PPM1E: variants seen among roughly 807,000 people sequenced by gnomAD.
PPM1E encodes the protein protein phosphatase, Mg2+/Mn2+ dependent 1E.
PPM1E carries 20 observed loss-of-function variants against 65.9 expected under a neutral mutation model. That is an observed-to-expected ratio of 0.30 (90% CI 0.21 to 0.44). The LOEUF (loss-of-function observed/expected upper bound fraction) is 0.44, where lower values mean the gene tolerates loss of function less well. Ranked by LOEUF, PPM1E falls within the 20% of genes least tolerant of loss-of-function variation. The probability of loss-of-function intolerance (pLI) is 1.00; values close to 1 mark genes in which losing one functional copy is unlikely to be tolerated. For missense variants in PPM1E, 713 were observed against 953.1 expected, an observed-to-expected ratio of 0.75 and a Z score of 3.32; for synonymous variants, 352 against 374.9, an observed-to-expected ratio of 0.94 and a Z score of 0.70.
intron 1 of PPM1E, among the ~76,000 whole-genome samples, chr17:58,870,366 G>T (rs115677860): frequency 0.039 from 5,983 of 152,172 alleles, 233 homozygotes; most frequent in African/African-American, 0.098. Context: ...GGATTCAGGG[G>T]GTACCTGTGT....
At chr17:58,804,436 TA>T (rs1450143827) in intron 1 of PPM1E, among the ~76,000 whole-genome samples, 2 of 152,224 alleles carry the variant, frequency 1.3e-5, no homozygotes, top group African/African-American at 2.4e-5. Context: ...CATTATTCTC[TA>T]ACTAGATTTG....
chr17:58,846,860 T>C (rs1320717215), intron 1 of PPM1E, among the ~76,000 whole-genome samples: 1 of 152,212 alleles, frequency 6.6e-6, no homozygotes, highest in African/African-American at 2.4e-5. Context: ...TCTTCCACAA[T>C]GGTTGAACTA....
At position 58,912,739 on chromosome 17, in the gene PPM1E, G is replaced by A. The variant is rs538011392; in HGVS notation, c.465-42910G>A. 3.0e-4 allele frequency among the ~76,000 whole-genome samples: 46 copies of A among 152,234 alleles called. 1 individual carries two copies. In the Middle Eastern group the frequency reaches 0.017, roughly 56 times the overall value. ...TGGGGGTGCTGGTTGCCAGGAGAAT[G>A]GACCATGTGATTAAAAGATTGAAAC... On this transcript the variant is annotated intron_variant, in intron 1 of 6. Coordinates refer to ENST00000308249, the MANE Select transcript of PPM1E (RefSeq NM_014906.5).
At chr17:58,978,913 G>A (rs1567899302) in intron 6 of PPM1E, among the ~76,000 whole-genome samples, 1 of 152,140 alleles carries the variant, frequency 6.6e-6, no homozygotes, top group Admixed American at 6.5e-5. Context: ...ACCTAGTTTA[G>A]TGTGGTCCCA....
At chr17:58,807,379 A>G (rs2050326042) in intron 1 of PPM1E, among the ~76,000 whole-genome samples, 1 of 152,176 alleles carries the variant, frequency 6.6e-6, no homozygotes, top group South Asian at 2.1e-4. Flanking sequence ...AGTTGAAATG[A>G]ATATAATATT....
chr17:58,939,559 G>A (rs1342427103), intron 1 of PPM1E, among the ~76,000 whole-genome samples: 1 of 152,096 alleles, frequency 6.6e-6, no homozygotes. Context: ...ATTCATATAT[G>A]TATTCATGAA....
chr17:58,796,662 G>A (rs911039457), intron 1 of PPM1E, among the ~76,000 whole-genome samples: 1 of 152,034 alleles, frequency 6.6e-6, no homozygotes, highest in African/African-American at 2.4e-5. Flanking sequence ...TAAAATTTTT[G>A]AGGCATATGG....
chr17:58,898,836 G>T (rs2051458389), intron 1 of PPM1E, among the ~76,000 whole-genome samples: 1 of 152,110 alleles, frequency 6.6e-6, no homozygotes, highest in Non-Finnish European at 1.5e-5. Context: ...GCCATAAAAA[G>T]GATGCGTTCA....
Position 58,755,962 on chromosome 17 carries a change from A to C in PPM1E, c.-36A>C. ...CCTTACCCTTCCTGGGCTTCCCCCA[A>C]CCCCTTTCCCGGTCTGCCCTGGGGC... On this transcript the variant is annotated 5_prime_UTR_variant, in exon 1 of 7. Coordinates refer to ENST00000308249, the MANE Select transcript of PPM1E (RefSeq NM_014906.5). 1 of 1,613,152 alleles carries C rather than the reference A, an allele frequency of 6.2e-7. No individual in the cohort carries two copies. Among genetic ancestry groups the C allele is most frequent in the South Asian group, 1.1e-5 (1 of 90,996 alleles).
chr17:58,878,657 G>C (rs1008496572), intron 1 of PPM1E, among the ~76,000 whole-genome samples: 3 of 151,338 alleles, frequency 2.0e-5, no homozygotes, highest in Non-Finnish European at 4.4e-5. Flanking sequence ...TGCTGGCCAG[G>C]CGTGGTGGCT....
At chr17:58,923,156 A>G (rs2051775374) in intron 1 of PPM1E, among the ~76,000 whole-genome samples, 1 of 149,932 alleles carries the variant, frequency 6.7e-6, no homozygotes, top group Admixed American at 6.7e-5. Context: ...ATGGTGGTGC[A>G]CACCTGTAGG....
intron 1 of PPM1E, among the ~76,000 whole-genome samples, chr17:58,812,604 C>T (rs2050380035): frequency 1.3e-5 from 2 of 152,034 alleles, no homozygotes; most frequent in African/African-American, 2.4e-5. Context: ...CTCTGTCGCC[C>T]GTGTTGGGGC....
intron 1 of PPM1E, among the ~76,000 whole-genome samples, chr17:58,829,989 T>G (rs1410906508): frequency 2.6e-5 from 4 of 152,218 alleles, no homozygotes; most frequent in Middle Eastern, 3.4e-3. Flanking sequence ...GAGGACAGCC[T>G]GGTCAACATA....
Position 58,756,302 on chromosome 17 carries a change from C to A in PPM1E, c.305C>A (p.Ala102Glu). The part of the protein sequence containing the change: ...AVEGEEEEEG[A>E]ATAAAAPGHS... ...GAGGGTGAGGAGGAGGAGGAGGGCG[C>A]GGCGACGGCGGCGGCAGCCCCGGGG... Residue 102 changes from alanine to glutamate, a missense_variant, in exon 1 of 7, where the codon GCG becomes GAG. Around this residue, in one of 6 missense-constraint regions of PPM1E, gnomAD observed 212 missense variants for 204.0 expected, o/e 1.04. Coordinates refer to ENST00000308249, the MANE Select transcript of PPM1E (RefSeq NM_014906.5). 1 of 1,510,502 alleles carries A rather than the reference C, an allele frequency of 6.6e-7. No individual in the cohort carries two copies. The highest frequency in any genetic ancestry group is 1.4e-5 in the African/African-American group (1 of 70,312). The allele number at this position is 1,510,502 out of a possible 1,614,324, so 93.6% of individuals were successfully genotyped here.
At chr17:58,925,200 T>A (rs886982232) in intron 1 of PPM1E, among the ~76,000 whole-genome samples, 2 of 152,188 alleles carry the variant, frequency 1.3e-5, no homozygotes, top group East Asian at 3.9e-4. Flanking sequence ...ACCAACAGTG[T>A]AAAAGCATTC....
At chr17:58,766,034 C>T (rs893913451) in intron 1 of PPM1E, among the ~76,000 whole-genome samples, 8 of 149,882 alleles carry the variant, frequency 5.3e-5, no homozygotes, top group East Asian at 2.0e-4. Flanking sequence ...GTGTGCACTA[C>T]CACACCTGGC....
At chr17:58,790,723 C>A (rs760471587) in intron 1 of PPM1E, among the ~76,000 whole-genome samples, 2 of 152,058 alleles carry the variant, frequency 1.3e-5, no homozygotes, top group African/African-American at 2.4e-5. Flanking sequence ...CCCAGCTGAA[C>A]TTCAATGGCC....
At chr17:58,767,779 A>G (rs921203032) in intron 1 of PPM1E, among the ~76,000 whole-genome samples, 1 of 151,988 alleles carries the variant, frequency 6.6e-6, no homozygotes, top group Non-Finnish European at 1.5e-5. Flanking sequence ...AGTAGCTGGG[A>G]TTACAGGCAT....
intron 1 of PPM1E, among the ~76,000 whole-genome samples, chr17:58,805,808 A>C (rs1242457078): frequency 1.3e-5 from 2 of 152,016 alleles, no homozygotes; most frequent in Non-Finnish European, 2.9e-5. Context: ...TAATACGAAG[A>C]AAGCAAGTAT....
Sources: allele counts gnomAD v4.1 joint callset (sites outside exome capture counted in the v4.1 genomes callset), GRCh38; gene constraint gnomAD v4.1.1; regional missense constraint gnomAD v4.1.1; transcripts MANE v1.5; gene names NCBI Gene and HGNC (gene_info 2026-07-23, HGNC 2026-07-21).